Variants in EPHA3 observed in about 807,000 individuals in gnomAD.
The protein encoded by EPHA3 is ephrin type-A receptor 3.
EPHA3 carries 42 observed loss-of-function variants against 107.1 expected under a neutral mutation model. The ratio of observed to expected loss-of-function variants is 0.39; its 90% CI spans 0.31 to 0.51. EPHA3 has a LOEUF of 0.51. Ranked by LOEUF, EPHA3 falls within the 20% of genes least tolerant of loss-of-function variation. EPHA3 has a pLI of 0.78. For synonymous variants in EPHA3, 461 were observed against 424.8 expected (o/e 1.09, Z -1.05); for missense variants, 1,183 against 1,211.2 (o/e 0.98, Z 0.35).
intron 3 of EPHA3, among the ~76,000 whole-genome samples, chr3:89,252,486 C>T (rs947029287): frequency 3.9e-5 from 6 of 152,036 alleles, no homozygotes; most frequent in Non-Finnish European, 7.4e-5. Flanking sequence ...GCCTGTAATC[C>T]CAACACTTTA....
At chr3:89,333,527 G>A (rs1477078411) in intron 3 of EPHA3, among the ~76,000 whole-genome samples, 5 of 152,036 alleles carry the variant, frequency 3.3e-5, no homozygotes, top group African/African-American at 7.2e-5. Context: ...TCACTAACTC[G>A]GCACTTAAAC....
chr3:89,265,731 T>A (rs912885671), intron 3 of EPHA3, among the ~76,000 whole-genome samples: 1 of 152,090 alleles, frequency 6.6e-6, no homozygotes, highest in African/African-American at 2.4e-5. Context: ...AAGCAATGCA[T>A]CACTCCTTTT....
chr3:89,288,505 A>G (rs1417694643), intron 3 of EPHA3, among the ~76,000 whole-genome samples: 2 of 152,134 alleles, frequency 1.3e-5, no homozygotes, highest in Non-Finnish European at 2.9e-5. Flanking sequence ...TAAGTGATTA[A>G]AAGTGTTATA....
intron 3 of EPHA3, among the ~76,000 whole-genome samples, chr3:89,235,157 G>A: frequency 6.6e-6 from 1 of 151,194 alleles, no homozygotes; most frequent in East Asian, 2.0e-4. Context: ...CCTGACCTCA[G>A]GTGATCCACC....
At chr3:89,400,143 A>C (rs978771674) in intron 7 of EPHA3, 1 of 809,662 alleles carries the variant, frequency 1.2e-6, no homozygotes, top group Non-Finnish European at 1.5e-6. Flanking sequence ...CACTAATATA[A>C]AATGAGTAGA....
intron 1 of EPHA3, among the ~76,000 whole-genome samples, chr3:89,116,427 G>A (rs1707255688): frequency 6.6e-6 from 1 of 152,080 alleles, no homozygotes; most frequent in South Asian, 2.1e-4. Flanking sequence ...TTTTTAAATT[G>A]CTTAAGATGA....
At chr3:89,135,668 A>G (rs764045931) in intron 2 of EPHA3, among the ~76,000 whole-genome samples, 2 of 151,428 alleles carry the variant, frequency 1.3e-5, no homozygotes, top group Non-Finnish European at 2.9e-5. Context: ...TAATATATCT[A>G]TATTAAATAT....
At chr3:89,269,429 G>GT (rs532962683) in intron 3 of EPHA3, among the ~76,000 whole-genome samples, 93 of 151,624 alleles carry the variant, frequency 6.1e-4, no homozygotes, top group Middle Eastern at 3.4e-3. Context: ...ATAGAGAATA[G>GT]TTTTTTTTAT....
At position 89,480,131 on chromosome 3, in the gene EPHA3, G is replaced by T; in HGVS notation, c.*629G>T. ...AGAAATGTCTTAATTTTTGAAAAAAGTACATATTTATTTTCTTTTGAATTG... is the reference window on the plus strand; with the variant it reads ...AGAAATGTCTTAATTTTTGAAAAAATTACATATTTATTTTCTTTTGAATTG... On this transcript the variant is annotated 3_prime_UTR_variant, in exon 17 of 17. Transcript: ENST00000336596. The T allele has an allele frequency of 4.3e-6, 1 of 232,758 alleles. No individual in the cohort carries two copies. Among genetic ancestry groups the T allele is most frequent in the Non-Finnish European group, 8.5e-6 (1 of 117,548 alleles). 14.4% of individuals were successfully genotyped at this position (232,758 alleles called of 1,614,324 possible).
Position 89,282,327 on chromosome 3 carries a change from A to G in EPHA3, c.815-58589A>G, listed in dbSNP as rs556799594. On this transcript the variant is annotated intron_variant, in intron 3 of 16. Transcript: ENST00000336596. ...GTACTGAGCACATACTATATGCCAGACTTTGTTTTGAGTATTGAGGAAATA... is the reference window on the plus strand; with the variant it reads ...GTACTGAGCACATACTATATGCCAGGCTTTGTTTTGAGTATTGAGGAAATA... Among the ~76,000 whole-genome samples, 7 of 152,250 alleles carry G rather than the reference A, an allele frequency of 4.6e-5. 1 individual carries two copies. Among genetic ancestry groups the G allele is most frequent in the African/African-American group, 1.7e-4 (7 of 41,566 alleles).
chr3:89,423,424 T>C (rs1709392438), intron 11 of EPHA3, among the ~76,000 whole-genome samples: 2 of 151,360 alleles, frequency 1.3e-5, no homozygotes, highest in Admixed American at 1.3e-4. Flanking sequence ...TTTCTGTTTG[T>C]TTCTCTCTAA....
At chr3:89,319,343 A>C (rs1261814991) in intron 3 of EPHA3, among the ~76,000 whole-genome samples, 4 of 151,928 alleles carry the variant, frequency 2.6e-5, no homozygotes, top group Admixed American at 2.6e-4. Flanking sequence ...GTATGCATGA[A>C]GTTTATTTGT....
chr3:89,214,527 G>T (rs1290649558), intron 3 of EPHA3, among the ~76,000 whole-genome samples: 1 of 151,854 alleles, frequency 6.6e-6, no homozygotes, highest in Admixed American at 6.6e-5. Context: ...ATATATTTGT[G>T]TATTCATTAT....
chr3:89,365,653 A>G (rs1708171884), intron 5 of EPHA3, among the ~76,000 whole-genome samples: 1 of 150,632 alleles, frequency 6.6e-6, no homozygotes, highest in South Asian at 2.1e-4. Flanking sequence ...GTGTTCATCA[A>G]TTTAAGGGAC....
chr3:89,403,796 C>G (rs1709006713), intron 7 of EPHA3, among the ~76,000 whole-genome samples: 1 of 152,072 alleles, frequency 6.6e-6, no homozygotes, highest in African/African-American at 2.4e-5. Context: ...CTCAGTTTTT[C>G]TATCTGGAAA....
At chr3:89,219,703 G>GTTTTTTTTTT (rs796857390) in intron 3 of EPHA3, among the ~76,000 whole-genome samples, 55 of 26,224 alleles carry the variant, frequency 2.1e-3, no homozygotes, top group South Asian at 4.0e-3. Flanking sequence ...TTTTTTTTTT[G>GTTTTTTTTTT]TTTTTTGTTT....
rs183488408 is a variant in EPHA3, at chr3:89,251,009, A to G, written c.814+40489A>G. On this transcript the variant is annotated intron_variant, in intron 3 of 16. Transcript: ENST00000336596. ...AACATCTTTCATGGAACTGCTAGAAACATTAGATATGGAATTATTTCTCTG... is the reference window on the plus strand; with the variant it reads ...AACATCTTTCATGGAACTGCTAGAAGCATTAGATATGGAATTATTTCTCTG... Among the ~76,000 whole-genome samples, 27 of 152,304 alleles carry G rather than the reference A, an allele frequency of 1.8e-4. No individual in the cohort carries two copies. The East Asian group carries it at 4.6e-3, about 26-fold the overall frequency.
chr3:89,397,536 G>T lies in EPHA3; in HGVS notation c.1431+1575G>T, dbSNP rs1708873917. Among the ~76,000 whole-genome samples the T allele has an allele frequency of 2.0e-5, 3 of 150,472 alleles. No homozygotes were observed. In the South Asian group the frequency reaches 6.3e-4, roughly 32 times the overall value. ...CTTTCACAAACATGAGAAATATGCT[G>T]CCTTATTTCAAACTCCCTCAACAAA... On this transcript the variant is annotated intron_variant, in intron 6 of 16. Transcript: ENST00000336596.
chr3:89,239,469 T>C (rs1704844577), intron 3 of EPHA3, among the ~76,000 whole-genome samples: 1 of 152,162 alleles, frequency 6.6e-6, no homozygotes, highest in Admixed American at 6.5e-5. Context: ...ATCTTAGGGA[T>C]ATTATATCTT....
Sources: gnomAD v4.1 joint callset for allele counts (sites outside exome capture counted in the v4.1 genomes callset) on GRCh38, gnomAD v4.1.1 for gene constraint, MANE v1.5 for transcripts, NCBI Gene and HGNC (gene_info 2026-07-23, HGNC 2026-07-21) for gene names.